The following FHOD3 variants were observed in gnomAD, a reference collection of about 807,000 sequenced individuals.
FHOD3 encodes the protein FH1/FH2 domain-containing protein 3.
FHOD3 carries 90 observed loss-of-function variants against 173.0 expected under a neutral mutation model. That is an observed-to-expected ratio of 0.52 (90% CI 0.44 to 0.62). The LOEUF is 0.62. Among genes scored for constraint, FHOD3 ranks in the 20% least tolerant of loss-of-function variants. FHOD3 has a pLI of 0.00. For synonymous variants in FHOD3, 828 were observed against 823.0 expected (o/e 1.01, Z -0.10); for missense variants, 1,945 against 2,034.7 (o/e 0.96, Z 0.85).
rs1392302648 is a variant in FHOD3 at position 36,740,739 on chromosome 18, C to T, written c.3660C>T (p.Gly1220=). The T allele has an allele frequency of 1.2e-6, 2 of 1,614,022 alleles. No homozygotes were observed. Among genetic ancestry groups the T allele is most frequent in the Non-Finnish European group, 1.7e-6 (2 of 1,179,992 alleles). ...TGGCCAACCCTGAAATCCCCCTGGGCAGTGCAGAGCAGTTCCTCCTCACCC... is the reference window on the plus strand; with the variant it reads ...TGGCCAACCCTGAAATCCCCCTGGGTAGTGCAGAGCAGTTCCTCCTCACCC... ...AQLANPEIPL[G]SAEQFLLTLS... is the part of the protein sequence containing the mutation. Residue 1220 remains glycine, a synonymous_variant, in exon 21 of 29, where the codon GGC becomes GGT. Transcript: ENST00000590592.
intron 5 of FHOD3, among the ~76,000 whole-genome samples, chr18:36,558,831 T>C (rs532855619): frequency 2.3e-4 from 35 of 152,324 alleles, no homozygotes; most frequent in African/African-American, 8.4e-4. Flanking sequence ...TTTATAAAAG[T>C]ATACACATTC....
chr18:36,384,319 C>T (rs1238307206), intron 3 of FHOD3, among the ~76,000 whole-genome samples: 1 of 151,850 alleles, frequency 6.6e-6, no homozygotes, highest in Admixed American at 6.6e-5. Context: ...GGCGGAGATT[C>T]CAGTGAGCTG....
At chr18:36,647,689 G>C (rs553825773) in intron 10 of FHOD3, among the ~76,000 whole-genome samples, 19 of 152,224 alleles carry the variant, frequency 1.2e-4, no homozygotes, top group African/African-American at 4.3e-4. Flanking sequence ...AAATTGAAGG[G>C]TACCCAAGGG....
At chr18:36,677,890 G>C (rs1283043710) in intron 14 of FHOD3, among the ~76,000 whole-genome samples, 1 of 151,716 alleles carries the variant, frequency 6.6e-6, no homozygotes, top group East Asian at 1.9e-4. Context: ...CTTTCATTTG[G>C]GTCTTTTAAT....
chr18:36,358,230 AGCATGTACATTG>A (rs1409029721), intron 2 of FHOD3, among the ~76,000 whole-genome samples: 2 of 152,256 alleles, frequency 1.3e-5, no homozygotes, highest in African/African-American at 4.8e-5. Context: ...GGTTCTATGC[AGCATGTACATTG>A]GCACCTTTGG....
At chr18:36,402,905 G>A (rs1199829884) in intron 3 of FHOD3, among the ~76,000 whole-genome samples, 2 of 152,226 alleles carry the variant, frequency 1.3e-5, no homozygotes, top group South Asian at 2.1e-4. Flanking sequence ...GCTGAGAGGC[G>A]TGTTTGCCTG....
intron 13 of FHOD3, among the ~76,000 whole-genome samples, chr18:36,656,623 AT>A (rs1031160592): frequency 6.6e-6 from 1 of 152,216 alleles, no homozygotes; most frequent in African/African-American, 2.4e-5. Flanking sequence ...TTTTTAAAAA[AT>A]AGCCCATTTT....
chr18:36,540,976 C>A (rs1165386787), intron 5 of FHOD3, among the ~76,000 whole-genome samples: 5 of 152,148 alleles, frequency 3.3e-5, no homozygotes, highest in African/African-American at 9.7e-5. Flanking sequence ...TTGGGCTGGG[C>A]GTGGTGGCTC....
chr18:36,574,567 A>G (rs1323960906), intron 5 of FHOD3, among the ~76,000 whole-genome samples: 1 of 152,126 alleles, frequency 6.6e-6, no homozygotes, highest in East Asian at 1.9e-4. Context: ...CTGCATACAG[A>G]TTTCTCATTA....
At chr18:36,618,054 C>G (rs1174629598) in intron 9 of FHOD3, among the ~76,000 whole-genome samples, 1 of 149,886 alleles carries the variant, frequency 6.7e-6, no homozygotes. Context: ...TTCTCCTTTT[C>G]CCTCCAGATT....
At chr18:36,591,650 G>A (rs956467871) in intron 6 of FHOD3, among the ~76,000 whole-genome samples, 2 of 152,194 alleles carry the variant, frequency 1.3e-5, no homozygotes, top group African/African-American at 4.8e-5. Context: ...GAGTGTAGTG[G>A]CTCATGCCTG....
chr18:36,340,357 C>T (rs965485212), intron 1 of FHOD3, among the ~76,000 whole-genome samples: 3 of 152,142 alleles, frequency 2.0e-5, no homozygotes, highest in African/African-American at 4.8e-5. Context: ...GCTTGGGACC[C>T]GCTGTGTGCT....
At chr18:36,653,025 T>C in intron 12 of FHOD3, 96 bp downstream of exon 12, 1 of 1,428,928 alleles carries the variant, frequency 7.0e-7, no homozygotes, top group South Asian at 1.5e-5. Flanking sequence ...TGCCATGTTT[T>C]TTTGTGGATT....
intron 1 of FHOD3, among the ~76,000 whole-genome samples, chr18:36,329,848 C>T (rs2044893246): frequency 6.6e-6 from 1 of 152,166 alleles, no homozygotes; most frequent in Non-Finnish European, 1.5e-5. Flanking sequence ...TACCATTGGG[C>T]CCGTTGCCAT....
At chr18:36,650,338 A>T (rs1179073684) in intron 11 of FHOD3, among the ~76,000 whole-genome samples, 2 of 152,202 alleles carry the variant, frequency 1.3e-5, no homozygotes, top group Non-Finnish European at 2.9e-5. Flanking sequence ...CAGTGCACAC[A>T]GAAGTTCTCA....
At chr18:36,474,275 A>G (rs1348502988) in intron 3 of FHOD3, among the ~76,000 whole-genome samples, 3 of 152,210 alleles carry the variant, frequency 2.0e-5, no homozygotes, top group Admixed American at 6.5e-5. Context: ...GTGCACAGGA[A>G]CATGGCTCTC....
At chr18:36,385,986 T>C (rs529283148) in intron 3 of FHOD3, among the ~76,000 whole-genome samples, 1 of 152,322 alleles carries the variant, frequency 6.6e-6, no homozygotes, top group Non-Finnish European at 1.5e-5. Flanking sequence ...GTTATATCTA[T>C]AATAACTTTA....
chr18:36,488,590 C>T (rs1361079706), intron 3 of FHOD3, among the ~76,000 whole-genome samples: 6 of 152,156 alleles, frequency 3.9e-5, no homozygotes, highest in Admixed American at 2.0e-4. Flanking sequence ...TCATTGAGGC[C>T]TTAGGGGCTG....
At chr18:36,409,003 G>A (rs1296255520) in intron 3 of FHOD3, among the ~76,000 whole-genome samples, 2 of 152,146 alleles carry the variant, frequency 1.3e-5, no homozygotes. Flanking sequence ...GGGTCTGAGA[G>A]CATCAGTGAC....
Sources: allele counts gnomAD v4.1 joint callset (sites outside exome capture counted in the v4.1 genomes callset), GRCh38; gene constraint gnomAD v4.1.1; transcripts MANE v1.5; gene names NCBI Gene and HGNC (gene_info 2026-07-23, HGNC 2026-07-21).